SLC6A2: variants seen among roughly 807,000 people sequenced by gnomAD.
SLC6A2 encodes the protein solute carrier family 6 member 2, also known as sodium-dependent noradrenaline transporter.
Under a neutral mutation model 71.7 loss-of-function variants are expected in SLC6A2, and 26 were observed. The observed-to-expected ratio is 0.36, with a 90% confidence interval of 0.27 to 0.50. SLC6A2 has a LOEUF of 0.50. Ranked by LOEUF, SLC6A2 falls within the 20% of genes least tolerant of loss-of-function variation. The pLI, the probability that SLC6A2 is intolerant of heterozygous loss-of-function variation, is 0.96. For synonymous variants in SLC6A2, 363 were observed against 337.9 expected, an observed-to-expected ratio of 1.07 and a Z score of -0.82; for missense variants, 581 against 803.9, an observed-to-expected ratio of 0.72 and a Z score of 3.35.
chr16:55,670,486 C>T (rs896385533), intron 3 of SLC6A2, among the ~76,000 whole-genome samples: 1 of 152,180 alleles, frequency 6.6e-6, no homozygotes, highest in Admixed American at 6.5e-5. Context: ...ACTTCTGTTA[C>T]AGTAAAGTCC....
intron 12 of SLC6A2, 51 bp downstream of exon 12, chr16:55,699,705 A>G: frequency 7.6e-7 from 1 of 1,323,882 alleles, no homozygotes; most frequent in Non-Finnish European, 1.1e-6. Flanking sequence ...GGCTGTGTCC[A>G]GGATGGAGCT....
At chr16:55,666,621 C>T (rs1253982885) in intron 2 of SLC6A2, among the ~76,000 whole-genome samples, 2 of 152,180 alleles carry the variant, frequency 1.3e-5, no homozygotes, top group African/African-American at 2.4e-5. Context: ...ACATCAAATG[C>T]ACTCACAGAG....
At chr16:55,664,554 C>T (rs1381998180) in intron 2 of SLC6A2, among the ~76,000 whole-genome samples, 4 of 152,196 alleles carry the variant, frequency 2.6e-5, no homozygotes, top group African/African-American at 9.7e-5. Flanking sequence ...TTCCAGTGGA[C>T]AGAGCTGCTG....
At chr16:55,673,820 C>A (rs1386582438) in intron 4 of SLC6A2, among the ~76,000 whole-genome samples, 1 of 152,186 alleles carries the variant, frequency 6.6e-6, no homozygotes, top group African/African-American at 2.4e-5. Flanking sequence ...TTTTGGCCTC[C>A]CAAAGTGCTG....
At chr16:55,680,175 A>G (rs1428785519) in intron 4 of SLC6A2, among the ~76,000 whole-genome samples, 1 of 152,146 alleles carries the variant, frequency 6.6e-6, no homozygotes, top group East Asian at 1.9e-4. Flanking sequence ...AGCACTTTGG[A>G]TGGATGGTTC....
In SLC6A2 at chr16:55,703,681, G is replaced by A. The variant is rs1966039864; in HGVS notation, c.*1335G>A. 1.2e-5 allele frequency: 12 copies of A among 985,392 alleles called. No individual in the cohort carries two copies. The highest frequency in any genetic ancestry group is 1.4e-5 in the Non-Finnish European group (12 of 829,918). 61.0% of individuals were successfully genotyped at this position (985,392 alleles called of 1,614,324 possible). On this transcript the variant is annotated 3_prime_UTR_variant, in exon 15 of 15. Coordinates refer to ENST00000568943, the MANE Select transcript of SLC6A2 (RefSeq NM_001172501.3). ...ATCTTTGGGAGGGGTTTCTGTTTAT[G>A]GTTAGAGTCTCTTACACCCTTGTTG...
Position 55,669,612 on chromosome 16 carries a change from C to A in SLC6A2, c.322C>A (p.Pro108Thr), listed in dbSNP as rs1397308523. The change falls in exon 3 of 15, where the codon CCC becomes ACC. Residue 108 changes from proline (P) to threonine (T), a missense_variant. Physicochemically the swap from Pro to Thr is conservative, Grantham distance 38. Around this residue, in one of 5 missense-constraint regions of SLC6A2, gnomAD observed 81 missense variants for 152.4 expected, o/e 0.53. Transcript: ENST00000568943. ...ACTGTTCCTTATCATCGCGGGGATGCCCCTGTTCTACATGGAGCTGGCTCT... is the reference window on the plus strand; with the variant it reads ...ACTGTTCCTTATCATCGCGGGGATGACCCTGTTCTACATGGAGCTGGCTCT... ...YTLFLIIAGM[P>T]LFYMELALGQ... 1 of 1,614,012 alleles carries A rather than the reference C, an allele frequency of 6.2e-7. No individual in the cohort carries two copies. The highest frequency in any genetic ancestry group is 8.5e-7 in the Non-Finnish European group (1 of 1,179,948).
At chr16:55,700,099 G>C (rs372903311) in intron 12 of SLC6A2, 40 bp from the exon 13 acceptor site, 3 of 1,575,234 alleles carry the variant, frequency 1.9e-6, no homozygotes, top group African/African-American at 2.7e-5. Context: ...TCTCTCTTCT[G>C]TCCTGTCTTC....
intron 3 of SLC6A2, 186 bp from the exon 4 acceptor site, chr16:55,671,752 C>G: frequency 3.7e-6 from 5 of 1,334,440 alleles, no homozygotes; most frequent in Non-Finnish European, 5.0e-6. Flanking sequence ...TACCCCCACC[C>G]CAAAATCTGT....
At chr16:55,677,009 T>C (rs1965109800) in intron 4 of SLC6A2, among the ~76,000 whole-genome samples, 1 of 152,202 alleles carries the variant, frequency 6.6e-6, no homozygotes, top group Non-Finnish European at 1.5e-5. Context: ...CATAGAAATT[T>C]CCATCAGTAG....
At chr16:55,666,267 C>A (rs1964747027) in intron 2 of SLC6A2, among the ~76,000 whole-genome samples, 1 of 152,222 alleles carries the variant, frequency 6.6e-6, no homozygotes. Flanking sequence ...ACAAGTATGG[C>A]AGTTACAAGC....
intron 6 of SLC6A2, among the ~76,000 whole-genome samples, chr16:55,693,141 C>A (rs1299624779): frequency 6.6e-6 from 1 of 152,160 alleles, no homozygotes; most frequent in Non-Finnish European, 1.5e-5. Context: ...AATCCCAGCA[C>A]TTTGGGAGGC....
intron 4 of SLC6A2, among the ~76,000 whole-genome samples, chr16:55,678,745 T>G (rs971594778): frequency 7.2e-5 from 11 of 152,192 alleles, no homozygotes; most frequent in Non-Finnish European, 1.3e-4. Context: ...GAAATTGAGC[T>G]TTTTTAGTGT....
intron 4 of SLC6A2, among the ~76,000 whole-genome samples, chr16:55,684,873 A>C (rs1965396503): frequency 6.6e-6 from 1 of 152,200 alleles, no homozygotes; most frequent in South Asian, 2.1e-4. Flanking sequence ...TAGGCACTTA[A>C]GAGATTTTTG....
chr16:55,701,876 G>A lies in SLC6A2; in HGVS notation c.1772G>A (p.Gly591Asp). ...QGSLWERLAY[G>D]ITPENEHHLV... is the part of the protein sequence containing the mutation. Reference sequence around the variant, plus strand: ...TCTTCCTTTCAGAGACTGGCCTATGGCATCACGCCAGAGAACGAGCACCAC... The same window carrying A: ...TCTTCCTTTCAGAGACTGGCCTATGACATCACGCCAGAGAACGAGCACCAC... The change falls in exon 14 of 15, where the codon GGC (glycine) becomes GAC (aspartate). Residue 591 changes from glycine to aspartate, a missense_variant. Gly to Asp is a moderately conservative substitution (Grantham distance 94). This residue lies in a region of SLC6A2 where 334 missense variants were observed against 449.0 expected (regional missense o/e 0.74). Transcript: ENST00000568943. 2 of 1,613,936 alleles carry A rather than the reference G, an allele frequency of 1.2e-6. No individual in the cohort carries two copies. The highest frequency in any genetic ancestry group is 1.1e-5 in the South Asian group (1 of 91,078).
chr16:55,703,728 T>C lies in SLC6A2; in HGVS notation c.*1382T>C. On this transcript the variant is annotated 3_prime_UTR_variant, in exon 15 of 15. Transcript: ENST00000568943. ...GTTGGAGGGATTCTTATTCTGACTGTGGGAGCTCCTGTTGCGGGATCTTGG... is the reference window on the plus strand; with the variant it reads ...GTTGGAGGGATTCTTATTCTGACTGCGGGAGCTCCTGTTGCGGGATCTTGG... 1.0e-6 allele frequency: 1 copy of C among 985,332 alleles called. No individual in the cohort carries two copies. The highest frequency in any genetic ancestry group is 1.7e-5 in the African/African-American group (1 of 57,344). 61.0% of individuals were successfully genotyped at this position (985,332 alleles called of 1,614,324 possible).
In SLC6A2 at chr16:55,704,924, G is replaced by T; in HGVS notation, c.*2578G>T. ...AAAGCCCTTGGAAGTTCTCGGGGAGGTGCTTGGAGATCATTTGGGTTTACC... is the reference window on the plus strand; with the variant it reads ...AAAGCCCTTGGAAGTTCTCGGGGAGTTGCTTGGAGATCATTTGGGTTTACC... On this transcript the variant is annotated 3_prime_UTR_variant, in exon 15 of 15. Transcript: ENST00000568943. The T allele has an allele frequency of 4.0e-6, 1 of 252,716 alleles. No homozygotes were observed. The highest frequency in any genetic ancestry group is 7.8e-5 in the East Asian group (1 of 12,884). The allele number at this position is 252,716 out of a possible 1,614,324, so 15.7% of individuals were successfully genotyped here.
chr16:55,657,332 T>G (rs187483282), intron 2 of SLC6A2, among the ~76,000 whole-genome samples: 3 of 151,944 alleles, frequency 2.0e-5, no homozygotes, highest in African/African-American at 7.3e-5. Context: ...GACCTTTTGA[T>G]GGTCTGCTGG....
intron 5 of SLC6A2, among the ~76,000 whole-genome samples, chr16:55,687,436 G>A (rs1965488141): frequency 6.6e-6 from 1 of 152,184 alleles, no homozygotes; most frequent in South Asian, 2.1e-4. Context: ...AGAGAAGGTG[G>A]CATTCGAGCT....
Sources: gnomAD v4.1 joint callset for allele counts (sites outside exome capture counted in the v4.1 genomes callset) on GRCh38, gnomAD v4.1.1 for gene constraint, gnomAD v4.1.1 regional missense constraint, MANE v1.5 for transcripts, NCBI Gene and HGNC (gene_info 2026-07-23, HGNC 2026-07-21) for gene names.